Variants in CECR2 observed in about 807,000 individuals in gnomAD.
CECR2 encodes CECR2 histone acetyl-lysine reader.
CECR2 carries 30 observed loss-of-function variants against 154.5 expected under a neutral mutation model. That is an observed-to-expected ratio of 0.19 (90% CI 0.15 to 0.26). The LOEUF is 0.26. Ranked by LOEUF, CECR2 falls within the 10% of genes least tolerant of loss-of-function variation. CECR2 has a pLI of 1.00. For synonymous variants in CECR2, 725 were observed against 683.7 expected (o/e 1.06, Z -0.94); for missense variants, 1,743 against 1,829.3 (o/e 0.95, Z 0.86).
chr22:17,413,201 T>C (rs750757667), intron 1 of CECR2, among the ~76,000 whole-genome samples: 2 of 152,174 alleles, frequency 1.3e-5, no homozygotes, highest in Non-Finnish European at 2.9e-5. Flanking sequence ...AAAGTATTCT[T>C]GTGAGGAAAA....
rs561737330 is a variant in CECR2, at chr22:17,396,472, G to A, written c.126+26563G>A. Among the ~76,000 whole-genome samples the A allele has an allele frequency of 1.1e-4, 17 of 152,300 alleles. No individual in the cohort carries two copies. In the East Asian group the frequency reaches 2.9e-3, roughly 26 times the overall value. The stretch of plus-strand genomic sequence containing the variant: ...GAGGCAGGGAGAATCGCTTGAACCC[G>A]GGAGGCGGAGGTTGCGGTGAGCCGG... On this transcript the variant is annotated intron_variant, in intron 1 of 18. Transcript: ENST00000262608.
intron 1 of CECR2, among the ~76,000 whole-genome samples, chr22:17,372,584 C>T (rs1275726335): frequency 6.6e-6 from 1 of 152,080 alleles, no homozygotes; most frequent in Non-Finnish European, 1.5e-5. Context: ...AGGATGATCG[C>T]TTGAACCCGG....
intron 1 of CECR2, among the ~76,000 whole-genome samples, chr22:17,415,084 T>C (rs1383602916): frequency 6.6e-6 from 1 of 152,244 alleles, no homozygotes; most frequent in Admixed American, 6.5e-5. Context: ...CCATTCGTGT[T>C]GGTGCCTTCA....
intron 1 of CECR2, among the ~76,000 whole-genome samples, chr22:17,400,778 G>T (rs1028368616): frequency 3.9e-5 from 6 of 152,130 alleles, no homozygotes; most frequent in African/African-American, 1.4e-4. Context: ...TTGAGACAGG[G>T]TCTCCCTCTG....
At chr22:17,386,283 C>T (rs2063259943) in intron 1 of CECR2, among the ~76,000 whole-genome samples, 1 of 152,078 alleles carries the variant, frequency 6.6e-6, no homozygotes, top group Non-Finnish European at 1.5e-5. Flanking sequence ...CTTAAAAAAA[C>T]TTCATTCTGC....
chr22:17,371,777 T>G (rs780874961), intron 1 of CECR2, among the ~76,000 whole-genome samples: 2 of 152,220 alleles, frequency 1.3e-5, no homozygotes. Context: ...CTAAAAATAT[T>G]GTTGGAAAAA....
intron 16 of CECR2, among the ~76,000 whole-genome samples, chr22:17,544,497 CA>C (rs34885224): frequency 0.032 from 1,835 of 57,346 alleles, 30 homozygotes; most frequent in African/African-American, 0.11. Context: ...GACTCCATCT[CA>C]AAAAAAAAAA....
intron 1 of CECR2, among the ~76,000 whole-genome samples, chr22:17,463,436 G>C (rs2054975287): frequency 6.6e-6 from 1 of 152,186 alleles, no homozygotes. Flanking sequence ...TTAAATGGAT[G>C]AAGCTCAGAC....
intron 17 of CECR2, among the ~76,000 whole-genome samples, chr22:17,551,813 A>G (rs2056712036): frequency 6.6e-6 from 1 of 151,766 alleles, no homozygotes; most frequent in Admixed American, 6.6e-5. Flanking sequence ...AAAAAAAAAA[A>G]TAGATTAAAC....
At chr22:17,432,276 T>C (rs1406009334) in intron 1 of CECR2, among the ~76,000 whole-genome samples, 1 of 152,262 alleles carries the variant, frequency 6.6e-6, no homozygotes, top group South Asian at 2.1e-4. Flanking sequence ...GTTTTTATGG[T>C]TTATTTATGT....
rs556497766 is a variant in CECR2 at position 17,445,974 on chromosome 22, T to G, written c.127-31614T>G. ...ACACCATGTTGGTTTTTTATTTGTATTATTCCCGAATGTTTTCTGTTCATG... is the reference window on the plus strand; with the variant it reads ...ACACCATGTTGGTTTTTTATTTGTAGTATTCCCGAATGTTTTCTGTTCATG... On this transcript the variant is annotated intron_variant, in intron 1 of 18. Coordinates refer to ENST00000262608, the MANE Select transcript of CECR2 (RefSeq NM_001290047.2). 1.1e-4 allele frequency among the ~76,000 whole-genome samples: 17 copies of G among 152,322 alleles called. No homozygotes were observed. The South Asian group carries it at 3.5e-3, about 32-fold the overall frequency.
intron 8 of CECR2, 98 bp downstream of exon 8, chr22:17,511,994 T>C: frequency 2.1e-6 from 2 of 932,358 alleles, no homozygotes; most frequent in Admixed American, 4.9e-5. Context: ...TTCCTTCATT[T>C]TTTTTCCTAA....
chr22:17,488,590 A>C (rs978308394), intron 2 of CECR2, among the ~76,000 whole-genome samples: 1 of 152,172 alleles, frequency 6.6e-6, no homozygotes, highest in East Asian at 1.9e-4. Flanking sequence ...TCATTCACAT[A>C]GTGCCTGTAT....
chr22:17,550,919 G>A (rs540251976), intron 17 of CECR2, among the ~76,000 whole-genome samples: 2 of 151,974 alleles, frequency 1.3e-5, no homozygotes, highest in Non-Finnish European at 2.9e-5. Flanking sequence ...TCCAGCCTGG[G>A]CAACAGAGCA....
intron 1 of CECR2, among the ~76,000 whole-genome samples, chr22:17,447,036 T>TTTTTTTTTTG: frequency 1.5e-5 from 2 of 137,742 alleles, no homozygotes; most frequent in Non-Finnish European, 3.0e-5. Context: ...TTACAATCTT[T>TTTTTTTTTTG]TTTTTTTTTT....
chr22:17,550,429 T>C (rs959283001), intron 17 of CECR2: 1 of 141,892 alleles, frequency 7.0e-6, no homozygotes, highest in East Asian at 2.1e-4. Flanking sequence ...AAAAAAAAAA[T>C]AGGCCTACCC....
intron 17 of CECR2, 107 bp from the exon 18 acceptor site, chr22:17,551,924 G>C (rs1266258689): frequency 1.9e-6 from 2 of 1,038,830 alleles, no homozygotes; most frequent in Non-Finnish European, 2.9e-6. Flanking sequence ...TTCCAGGCCT[G>C]ATCACCGGGG....
At chr22:17,385,608 A>C (rs538883577) in intron 1 of CECR2, among the ~76,000 whole-genome samples, 78 of 152,232 alleles carry the variant, frequency 5.1e-4, no homozygotes, top group Non-Finnish European at 9.8e-4. Context: ...AGATCAACAT[A>C]ACAGATTTAA....
At chr22:17,398,455 C>CA (rs1380277282) in intron 1 of CECR2, among the ~76,000 whole-genome samples, 1 of 152,124 alleles carries the variant, frequency 6.6e-6, no homozygotes, top group African/African-American at 2.4e-5. Context: ...ATGCAGTAGA[C>CA]AGTTGAGTGG....
Sources: gnomAD v4.1 joint callset for allele counts (sites outside exome capture counted in the v4.1 genomes callset) on GRCh38, gnomAD v4.1.1 for gene constraint, MANE v1.5 for transcripts, NCBI Gene and HGNC (gene_info 2026-07-23, HGNC 2026-07-21) for gene names.